The following ADARB2 variants were observed in gnomAD, a reference collection of about 807,000 sequenced individuals.
ADARB2 encodes the protein inactive double-stranded RNA-specific editase B2.
Under a neutral mutation model 62.2 loss-of-function variants are expected in ADARB2, and 25 were observed. That is an observed-to-expected ratio of 0.40 (90% CI 0.29 to 0.56). ADARB2 has a LOEUF of 0.56. ADARB2 is among the 20% of genes least tolerant of loss of function. ADARB2 has a pLI of 0.43. For synonymous variants in ADARB2, 572 were observed against 500.8 expected (o/e 1.14, Z -1.90); for missense variants, 1,071 against 1,077.4 (o/e 0.99, Z 0.08).
At position 1,723,108 on chromosome 10, in the gene ADARB2, G is replaced by T. The variant is rs566951255; in HGVS notation, c.100+13943C>A. On this transcript the variant is annotated intron_variant, in intron 1 of 9. Transcript: ENST00000381312. The stretch of plus-strand genomic sequence containing the variant: ...CGCTATTCAGTATCTCCCTGGAAAC[G>T]GGAGCGCATGCCCCTTCTCAGAAGG... Among the ~76,000 whole-genome samples the T allele has an allele frequency of 1.4e-4, 22 of 152,298 alleles. No homozygotes were observed. The South Asian group carries it at 4.4e-3, about 30-fold the overall frequency.
chr10:1,468,965 G>T (rs1448904801), intron 1 of ADARB2, among the ~76,000 whole-genome samples: 2 of 152,198 alleles, frequency 1.3e-5, no homozygotes, highest in Non-Finnish European at 1.5e-5. Context: ...GGGGTGTCTT[G>T]CCCAAGTGGC....
chr10:1,348,334 C>A (rs1241005236), intron 3 of ADARB2, among the ~76,000 whole-genome samples: 1 of 152,148 alleles, frequency 6.6e-6, no homozygotes, highest in African/African-American at 2.4e-5. Flanking sequence ...ATGTGGGTTT[C>A]CTGGGTGAGC....
At chr10:1,718,447 G>A (rs562822028) in intron 1 of ADARB2, among the ~76,000 whole-genome samples, 13 of 152,290 alleles carry the variant, frequency 8.5e-5, no homozygotes, top group African/African-American at 3.1e-4. Context: ...GAACATGCTA[G>A]CCCCCAGGGC....
intron 1 of ADARB2, among the ~76,000 whole-genome samples, chr10:1,623,994 A>G (rs541061668): frequency 6.6e-6 from 1 of 152,054 alleles, no homozygotes; most frequent in Non-Finnish European, 1.5e-5. Context: ...GCGATTTGGG[A>G]GGCTGAGGCG....
At chr10:1,227,694 G>A (rs1830760496) in intron 6 of ADARB2, among the ~76,000 whole-genome samples, 1 of 152,176 alleles carries the variant, frequency 6.6e-6, no homozygotes. Context: ...TATCTAAAAA[G>A]CGATGCATGG....
intron 1 of ADARB2, among the ~76,000 whole-genome samples, chr10:1,528,131 G>A (rs1341966859): frequency 2.0e-5 from 3 of 152,178 alleles, no homozygotes; most frequent in Non-Finnish European, 4.4e-5. Context: ...TCGTGTCCGC[G>A]GCTGTGGGCT....
At chr10:1,483,043 T>A (rs749354480) in intron 1 of ADARB2, among the ~76,000 whole-genome samples, 1 of 152,218 alleles carries the variant, frequency 6.6e-6, no homozygotes, top group African/African-American at 2.4e-5. Context: ...TTTCATTTCC[T>A]GTTTAGTTAC....
intron 7 of ADARB2, 57 bp from the exon 8 acceptor site, chr10:1,200,204 C>G: frequency 1.9e-6 from 3 of 1,543,012 alleles, no homozygotes; most frequent in South Asian, 2.4e-5. Context: ...GGAGCCTGGT[C>G]CTCTCTGTCC....
At chr10:1,680,627 G>C (rs189126275) in intron 1 of ADARB2, among the ~76,000 whole-genome samples, 1 of 152,292 alleles carries the variant, frequency 6.6e-6, no homozygotes, top group African/African-American at 2.4e-5. Flanking sequence ...GGGACTGAAG[G>C]AGCGAGTGAA....
intron 1 of ADARB2, among the ~76,000 whole-genome samples, chr10:1,654,081 G>A (rs1834146877): frequency 2.0e-5 from 3 of 152,024 alleles, no homozygotes; most frequent in Admixed American, 2.0e-4. Flanking sequence ...CTGTGTCTGG[G>A]TCTCCTCTCC....
intron 3 of ADARB2, among the ~76,000 whole-genome samples, chr10:1,300,663 G>A (rs971065727): frequency 1.1e-4 from 17 of 152,062 alleles, no homozygotes; most frequent in African/African-American, 3.6e-4. Context: ...AAAATTCCTC[G>A]TGGGCTTCAT....
intron 1 of ADARB2, among the ~76,000 whole-genome samples, chr10:1,720,945 T>A (rs985268483): frequency 6.6e-6 from 1 of 152,242 alleles, no homozygotes; most frequent in Non-Finnish European, 1.5e-5. Flanking sequence ...CTCCTCTCCC[T>A]GCACAAAGCC....
At chr10:1,201,802 C>T (rs12412667) in intron 7 of ADARB2, among the ~76,000 whole-genome samples, 36,555 of 99,448 alleles carry the variant, frequency 0.37, 7,818 homozygotes, top group East Asian at 0.61. Flanking sequence ...CATTCCACAG[C>T]GTGTCTGCCT....
intron 1 of ADARB2, among the ~76,000 whole-genome samples, chr10:1,430,047 C>G (rs1372542191): frequency 1.3e-5 from 2 of 152,144 alleles, no homozygotes; most frequent in African/African-American, 2.4e-5. Context: ...TATCCTTTTC[C>G]TCATGTGGCG....
Position 1,503,153 on chromosome 10 carries a change from A to C in ADARB2, c.101-123993T>G, listed in dbSNP as rs181231192. On this transcript the variant is annotated intron_variant, in intron 1 of 9. Coordinates refer to ENST00000381312, the MANE Select transcript of ADARB2 (RefSeq NM_018702.4). ...TTATTTTCCTCAAAATAACACATAC[A>C]TATTTAATTTTTAGGAAGAGAACCA... Among the ~76,000 whole-genome samples, 4 of 152,292 alleles carry C rather than the reference A, an allele frequency of 2.6e-5. No homozygotes were observed. The East Asian group carries it at 7.7e-4, about 29-fold the overall frequency.
intron 1 of ADARB2, among the ~76,000 whole-genome samples, chr10:1,556,144 G>C (rs1311803790): frequency 6.6e-6 from 1 of 152,054 alleles, no homozygotes; most frequent in African/African-American, 2.4e-5. Context: ...CCCAGGATGA[G>C]GGGGCACCTT....
intron 1 of ADARB2, among the ~76,000 whole-genome samples, chr10:1,709,833 T>C (rs373223591): frequency 1.5e-3 from 234 of 152,356 alleles, no homozygotes; most frequent in African/African-American, 4.9e-3. Context: ...AGCTGTGTTA[T>C]TGAGACATTT....
At chr10:1,610,368 T>C (rs1833552619) in intron 1 of ADARB2, among the ~76,000 whole-genome samples, 1 of 152,204 alleles carries the variant, frequency 6.6e-6, no homozygotes, top group African/African-American at 2.4e-5. Context: ...AGAAACAGGC[T>C]TTGCTCCCCT....
At chr10:1,580,924 T>G (rs72764982) in intron 1 of ADARB2, among the ~76,000 whole-genome samples, 41,029 of 152,238 alleles carry the variant, frequency 0.27, 5,784 homozygotes, top group Non-Finnish European at 0.32. Flanking sequence ...TTTCTCTCTG[T>G]GCTGAATCAT....
Sources: gnomAD v4.1 joint callset for allele counts (sites outside exome capture counted in the v4.1 genomes callset) on GRCh38, gnomAD v4.1.1 for gene constraint, MANE v1.5 for transcripts, NCBI Gene and HGNC (gene_info 2026-07-23, HGNC 2026-07-21) for gene names.